MYO15A: variants seen among roughly 807,000 people sequenced by gnomAD.
The protein encoded by MYO15A is myosin XVA.
In MYO15A, 308 loss-of-function variants were observed where a neutral mutation model predicts 394.6. The observed-to-expected ratio is 0.78, with a 90% CI of 0.71 to 0.86. The LOEUF is 0.86. Ranked by LOEUF, MYO15A falls within the 40% of genes least tolerant of loss-of-function variation. The probability of loss-of-function intolerance (pLI) is 0.00; values close to 1 mark genes in which losing one functional copy is unlikely to be tolerated. For synonymous variants in MYO15A, 1,957 were observed against 2,003.8 expected (o/e 0.98, Z 0.62); for missense variants, 4,606 against 4,799.1 (o/e 0.96, Z 1.19).
chr17:18,130,435 C>T (rs955548705), intron 7 of MYO15A, among the ~76,000 whole-genome samples: 3 of 151,548 alleles, frequency 2.0e-5, no homozygotes, highest in African/African-American at 4.9e-5. Context: ...CATGCAGGTG[C>T]GTGGGAGCAG....
chr17:18,132,311 T>G lies in MYO15A; in HGVS notation c.4207-142T>G. Reference sequence around the variant, plus strand: ...CGCAGCTGGCACCAGGCTGGGAGCCTCACCCATCACAGAGGCGCGTGTTCT... The same window carrying G: ...CGCAGCTGGCACCAGGCTGGGAGCCGCACCCATCACAGAGGCGCGTGTTCT... On this transcript the variant is annotated intron_variant, in intron 10 of 65. Coordinates refer to ENST00000647165, the MANE Select transcript of MYO15A (RefSeq NM_016239.4). The surrounding 1 kb of genome is among the most constrained non-coding windows in gnomAD (Gnocchi z 4.6). 1.5e-6 allele frequency: 1 copy of G among 685,348 alleles called. No homozygotes were observed. Among genetic ancestry groups the G allele is most frequent in the Non-Finnish European group, 2.6e-6 (1 of 381,272 alleles). 42.5% of individuals were successfully genotyped at this position (685,348 alleles called of 1,614,324 possible).
At chr17:18,136,870 C>A (rs1325741310) in intron 15 of MYO15A, among the ~76,000 whole-genome samples, 184 bp downstream of exon 15, 1 of 152,268 alleles carries the variant, frequency 6.6e-6, no homozygotes, top group Non-Finnish European at 1.5e-5. Context: ...CACAAGTACT[C>A]CCAAGGCCTC....
In MYO15A at chr17:18,121,401, C is replaced by T. The variant is rs528663263; in HGVS notation, c.2601C>T (p.Arg867=). 5.2e-6 allele frequency: 8 copies of T among 1,537,558 alleles called. No individual in the cohort carries two copies. Among genetic ancestry groups the T allele is most frequent in the East Asian group, 4.9e-5 (2 of 40,696 alleles). The part of the protein sequence containing the change: ...PRRSSLNLPS[R]LPHTWRRLSE... Reference sequence around the variant, plus strand: ...GCAGCTCCCTGAATCTGCCCTCGCGCCTCCCGCACACGTGGCGGCGCCTCA... The same window carrying T: ...GCAGCTCCCTGAATCTGCCCTCGCGTCTCCCGCACACGTGGCGGCGCCTCA... Residue 867 remains arginine, a synonymous_variant, in exon 2 of 66, where the codon CGC becomes CGT. Transcript: ENST00000647165. The surrounding 1 kb of genome is among the most constrained non-coding windows in gnomAD (Gnocchi z 5.3).
intron 53 of MYO15A, 133 bp from the exon 54 acceptor site, chr17:18,159,141 TC>T: frequency 7.4e-7 from 1 of 1,357,964 alleles, no homozygotes; most frequent in Middle Eastern, 1.8e-4. Context: ...ACAGCCTCTG[TC>T]CCCAGTGTTG....
chr17:18,139,075 G>C lies in MYO15A; in HGVS notation c.5133+139G>C. 3 of 1,307,870 alleles carry C rather than the reference G, an allele frequency of 2.3e-6. No individual in the cohort carries two copies. The South Asian group carries it at 3.8e-5, about 17-fold the overall frequency. 81.0% of individuals were successfully genotyped at this position (1,307,870 alleles called of 1,614,324 possible). On this transcript the variant is annotated intron_variant, in intron 18 of 65. Coordinates refer to ENST00000647165, the MANE Select transcript of MYO15A (RefSeq NM_016239.4). ...TGCTGTGCCCCAGCTCTGTGACCTTGAGCAAATTGCTTAGCCAGTCTGAGC... is the reference window on the plus strand; with the variant it reads ...TGCTGTGCCCCAGCTCTGTGACCTTCAGCAAATTGCTTAGCCAGTCTGAGC...
chr17:18,159,278 C>T lies in MYO15A; in HGVS notation c.9160C>T (p.Pro3054Ser). The T allele has an allele frequency of 6.2e-7, 1 of 1,614,182 alleles. No individual in the cohort carries two copies. The highest frequency in any genetic ancestry group is 8.5e-7 in the Non-Finnish European group (1 of 1,180,010). The part of the protein sequence containing the change: ...LEDMLCFTKT[P>S]LQESLIELSD... ...ACACAGCCCTCTTCCCCCACAGACT[C>T]CCCTCCAGGAATCCCTCATCGAACT... Residue 3054 changes from proline (P) to serine (S), a missense_variant, in exon 54 of 66, where the codon CCC (proline) becomes TCC (serine). This residue lies in a region of MYO15A where 2,776 missense variants were observed against 3,109.3 expected (regional missense o/e 0.89). Coordinates refer to ENST00000647165, the MANE Select transcript of MYO15A (RefSeq NM_016239.4).
intron 20 of MYO15A, 31 bp from the exon 21 acceptor site, chr17:18,140,756 C>T (rs1000369066): frequency 6.2e-7 from 1 of 1,614,058 alleles, no homozygotes; most frequent in African/African-American, 1.3e-5. Flanking sequence ...TTTTCTGAGG[C>T]CTCATGCTGT....
Position 18,136,400 on chromosome 17 carries a change from G to C in MYO15A, c.4597-17G>C, listed in dbSNP as rs990070889. On this transcript the variant is annotated splice_polypyrimidine_tract_variant and intron_variant, in intron 13 of 65. Coordinates refer to ENST00000647165, the MANE Select transcript of MYO15A (RefSeq NM_016239.4). Reference sequence around the variant, plus strand: ...GTGGCCAGCCTGATGTCACTCAAGGGCTGTGCCCGTCCCTAGGAGACAATG... The same window carrying C: ...GTGGCCAGCCTGATGTCACTCAAGGCCTGTGCCCGTCCCTAGGAGACAATG... 1 of 1,613,484 alleles carries C rather than the reference G, an allele frequency of 6.2e-7. No homozygotes were observed. The highest frequency in any genetic ancestry group is 8.5e-7 in the Non-Finnish European group (1 of 1,180,018).
rs2045827107 is a variant in MYO15A at position 18,118,593 on chromosome 17, A to G, written c.-208A>G. On this transcript the variant is annotated 5_prime_UTR_variant, in exon 2 of 66. Coordinates refer to ENST00000647165, the MANE Select transcript of MYO15A (RefSeq NM_016239.4). ...TACTACTGCTCTAGGGTGAAACCCA[A>G]GGCGCTCTAGAGGAGATGAATTATG... The G allele has an allele frequency of 7.4e-6, 5 of 675,436 alleles. No homozygotes were observed. Among genetic ancestry groups the G allele is most frequent in the Non-Finnish European group, 1.2e-5 (5 of 405,956 alleles). The allele number at this position is 675,436 out of a possible 1,614,324, so 41.8% of individuals were successfully genotyped here.
chr17:18,158,294 G>T lies in MYO15A; in HGVS notation c.8968-229G>T, dbSNP rs1597810759. 3 of 595,150 alleles carry T rather than the reference G, an allele frequency of 5.0e-6. No individual in the cohort carries two copies. The East Asian group carries it at 8.4e-5, about 17-fold the overall frequency. The allele number at this position is 595,150 out of a possible 1,614,324, so 36.9% of individuals were successfully genotyped here. A position where few individuals can be genotyped will look rare whatever the true frequency, so the allele number is the denominator to read the frequency against. On this transcript the variant is annotated intron_variant, in intron 51 of 65. Coordinates refer to ENST00000647165, the MANE Select transcript of MYO15A (RefSeq NM_016239.4). ...TGGCAGTTGCGGAAGTCAACCCCGGGCAAGGGCGTGGCCAAGTGGGGCAGG... is the reference window on the plus strand; with the variant it reads ...TGGCAGTTGCGGAAGTCAACCCCGGTCAAGGGCGTGGCCAAGTGGGGCAGG...
rs1041177498 is a variant in MYO15A at position 18,147,645 on chromosome 17, C to T, written c.6510-384C>T. Among the ~76,000 whole-genome samples the T allele has an allele frequency of 3.9e-5, 6 of 152,204 alleles. No individual in the cohort carries two copies. Among genetic ancestry groups the T allele is most frequent in the African/African-American group, 1.4e-4 (6 of 41,452 alleles). On this transcript the variant is annotated intron_variant, in intron 30 of 65. Coordinates refer to ENST00000647165, the MANE Select transcript of MYO15A (RefSeq NM_016239.4). This position sits in a 1 kb window ranked among gnomAD's most constrained non-coding sequence, Gnocchi z 4.4. ...GAGACAGAGTTCTGGTTGTTGCCCA[C>T]ACCCAGCTGCAGACCCCAGCCTGTC...
At chr17:18,162,726 G>C in intron 58 of MYO15A, 47 bp downstream of exon 58, 1 of 1,584,570 alleles carries the variant, frequency 6.3e-7, no homozygotes, top group Non-Finnish European at 8.7e-7. Flanking sequence ...GAGGCTGGGC[G>C]CAGTGGCTCA....
In MYO15A at chr17:18,119,623, G is replaced by C. The variant is rs183969516; in HGVS notation, c.823G>C (p.Gly275Arg). Residue 275 changes from glycine to arginine, a missense_variant, in exon 2 of 66, where the codon GGC becomes CGC. Transcript: ENST00000647165. ...CTACAGCCCGGCCTGGCCACCCTAC[G>C]GCGACCACTACTACGGGTACCCGCC... ...GPYSPAWPPYGDHYYGYPPED... is the reference protein window; with the variant it reads ...GPYSPAWPPYRDHYYGYPPED... 2.4e-3 allele frequency: 3,834 copies of C among 1,603,030 alleles called. 7 individuals carry two copies. Among genetic ancestry groups the C allele is most frequent in the Middle Eastern group, 5.9e-3 (36 of 6,062 alleles).
chr17:18,119,434 G>A lies in MYO15A; in HGVS notation c.634G>A (p.Ala212Thr), dbSNP rs759783582. The change falls in exon 2 of 66, where the codon GCC becomes ACC. Residue 212 changes from alanine to threonine, a missense_variant. By Grantham distance (58) the Ala-to-Thr change is moderately conservative. Coordinates refer to ENST00000647165, the MANE Select transcript of MYO15A (RefSeq NM_016239.4). ...GGGCTTCCTGCCCTTCGAGGACGAG[G>A]CCCCATTCCATCACTCGGGCTCCCG... ...PLGFLPFEDE[A>T]PFHHSGSRKS... The A allele has an allele frequency of 5.6e-6, 9 of 1,612,238 alleles. No individual in the cohort carries two copies. Among genetic ancestry groups the A allele is most frequent in the Non-Finnish European group, 7.6e-6 (9 of 1,179,982 alleles).
Position 18,157,415 on chromosome 17 carries a change from T to C in MYO15A, c.8788+185T>C, listed in dbSNP as rs544400653. The stretch of plus-strand genomic sequence containing the variant: ...AGACAGCCCAGCCCTCTGCTTTGCC[T>C]GAGGGGTCTCCGTGGGCATTTCCAT... On this transcript the variant is annotated intron_variant, in intron 50 of 65. Transcript: ENST00000647165. The C allele has an allele frequency of 7.2e-5, 69 of 955,076 alleles. No homozygotes were observed. The African/African-American group carries it at 9.1e-4, about 13-fold the overall frequency. The allele number at this position is 955,076 out of a possible 1,614,324, so 59.2% of individuals were successfully genotyped here.
Position 18,150,368 on chromosome 17 carries a change from T to TG in MYO15A, c.7213-60dup. On this transcript the variant is annotated intron_variant, in intron 35 of 65. Transcript: ENST00000647165. This position sits in a 1 kb window ranked among gnomAD's most constrained non-coding sequence, Gnocchi z 4.4. The stretch of plus-strand genomic sequence containing the variant: ...GAAGAGGCCAGTGTCAGGTGCCTGT[T>TG]GCCATGGAACCTTGGGAGTACAATA... The TG allele has an allele frequency of 6.7e-7, 1 of 1,492,632 alleles. No individual in the cohort carries two copies. The highest frequency in any genetic ancestry group is 9.3e-7 in the Non-Finnish European group (1 of 1,071,254). 92.5% of individuals were successfully genotyped at this position (1,492,632 alleles called of 1,614,324 possible).
intron 1 of MYO15A, among the ~76,000 whole-genome samples, chr17:18,111,997 GGCA>G (rs1350634403): frequency 6.6e-6 from 1 of 152,234 alleles, no homozygotes; most frequent in Non-Finnish European, 1.5e-5. Context: ...CTCTCTGAGA[GGCA>G]GGTTCTTCAT....
chr17:18,125,661 C>T (rs147100538), intron 4 of MYO15A: 121 of 176,846 alleles, frequency 6.8e-4, no homozygotes, highest in Middle Eastern at 5.4e-3. Flanking sequence ...GCGGAGATCG[C>T]GCCACTGCAC....
intron 60 of MYO15A, 128 bp from the exon 61 acceptor site, chr17:18,166,233 C>A: frequency 1.7e-6 from 2 of 1,145,702 alleles, no homozygotes; most frequent in Non-Finnish European, 2.5e-6. Flanking sequence ...CCAGAACAGG[C>A]AGGTGGCTTG....
Sources: gnomAD v4.1 joint callset for allele counts (sites outside exome capture counted in the v4.1 genomes callset) on GRCh38, gnomAD v4.1.1 for gene constraint, gnomAD v4.1.1 regional missense constraint, Gnocchi (gnomAD v3.1) non-coding constraint, MANE v1.5 for transcripts, NCBI Gene and HGNC (gene_info 2026-07-23, HGNC 2026-07-21) for gene names.